The following SEC24A variants were observed in gnomAD, a reference collection of about 807,000 sequenced individuals.
The protein encoded by SEC24A is SEC24 homolog A, COPII component.
SEC24A carries 93 observed loss-of-function variants against 129.4 expected under a neutral mutation model. The observed-to-expected ratio is 0.72, with a 90% CI of 0.61 to 0.85. The LOEUF is 0.85. Ranked by LOEUF, SEC24A falls within the 40% of genes least tolerant of loss-of-function variation. The pLI is 0.00. For synonymous variants in SEC24A, 460 were observed against 467.3 expected (o/e 0.98, Z 0.20); for missense variants, 1,264 against 1,307.4 (o/e 0.97, Z 0.51).
intron 11 of SEC24A, among the ~76,000 whole-genome samples, chr5:134,690,471 G>A (rs755285528): frequency 6.6e-6 from 1 of 152,052 alleles, no homozygotes; most frequent in East Asian, 1.9e-4. Flanking sequence ...ACGCTACCAC[G>A]CCCAGCTAAT....
Position 134,671,856 on chromosome 5 carries a change from TACG to T in SEC24A, c.792_794del (p.Asp264del), listed in dbSNP as rs1320748427. On this transcript the variant is annotated inframe_deletion, in exon 4 of 23. Transcript: ENST00000398844. ...CGGATCTATGGTGGTCCACAGTAGT[TACG>T]ACGAGATTGAAGGAGGTGGCTTATT... 2 of 1,609,846 alleles carry T rather than the reference TACG, an allele frequency of 1.2e-6. No homozygotes were observed. The highest frequency in any genetic ancestry group is 1.3e-5 in the African/African-American group (1 of 74,866).
At position 134,703,753 on chromosome 5, in the gene SEC24A, T is replaced by C. The variant is rs562225151; in HGVS notation, c.2267-6T>C. Reference sequence around the variant, plus strand: ...AAAATAATTTTGTTACCTTTTTCTCTTCTAGGTCTTTCCATTCATACTTTC... The same window carrying C: ...AAAATAATTTTGTTACCTTTTTCTCCTCTAGGTCTTTCCATTCATACTTTC... On this transcript the variant is annotated splice_region_variant and splice_polypyrimidine_tract_variant and intron_variant, in intron 15 of 22. Coordinates refer to ENST00000398844, the MANE Select transcript of SEC24A (RefSeq NM_021982.3). 19 of 1,595,706 alleles carry C rather than the reference T, an allele frequency of 1.2e-5. No individual in the cohort carries two copies. In the South Asian group the frequency reaches 1.9e-4, roughly 16 times the overall value.
At chr5:134,649,831 T>A (rs1178508337) in intron 1 of SEC24A, among the ~76,000 whole-genome samples, 2 of 152,224 alleles carry the variant, frequency 1.3e-5, no homozygotes, top group Non-Finnish European at 2.9e-5. Context: ...TAGTTTGTCA[T>A]TTGATGTGAG....
At chr5:134,680,496 C>T (rs1751228946) in intron 8 of SEC24A, among the ~76,000 whole-genome samples, 1 of 151,796 alleles carries the variant, frequency 6.6e-6, no homozygotes, top group Non-Finnish European at 1.5e-5. Context: ...CCACGGCCGG[C>T]TAATTTTTAT....
intron 11 of SEC24A, among the ~76,000 whole-genome samples, chr5:134,692,179 T>C (rs1751680019): frequency 6.6e-6 from 1 of 151,248 alleles, no homozygotes; most frequent in South Asian, 2.1e-4. Flanking sequence ...CCCACATAGC[T>C]GGGACTATAG....
chr5:134,690,200 A>G (rs1023515460), intron 11 of SEC24A, among the ~76,000 whole-genome samples: 4 of 151,650 alleles, frequency 2.6e-5, no homozygotes, highest in African/African-American at 7.3e-5. Flanking sequence ...TTGTATTTTT[A>G]GTAGAAACAA....
At chr5:134,707,335 AT>A (rs765591468) in intron 17 of SEC24A, among the ~76,000 whole-genome samples, 165 of 144,930 alleles carry the variant, frequency 1.1e-3, no homozygotes, top group Non-Finnish European at 1.1e-3. Flanking sequence ...TTATTTATTT[AT>A]TTTTTTTTTT....
rs548841481 is a variant in SEC24A, at chr5:134,660,419, A to G, written c.98-700A>G. Among the ~76,000 whole-genome samples the G allele has an allele frequency of 2.6e-5, 4 of 152,132 alleles. No individual in the cohort carries two copies. The East Asian group carries it at 7.7e-4, about 29-fold the overall frequency. On this transcript the variant is annotated intron_variant, in intron 1 of 22. Coordinates refer to ENST00000398844, the MANE Select transcript of SEC24A (RefSeq NM_021982.3). ...AATAAAATTGTAATACAAATATGAA[A>G]CTAGGCCAGGACATCTTGTGGCAAC...
At chr5:134,650,705 T>C (rs1309570322) in intron 1 of SEC24A, among the ~76,000 whole-genome samples, 3 of 152,032 alleles carry the variant, frequency 2.0e-5, no homozygotes. Flanking sequence ...TACCCAGACC[T>C]CTTTTTTAAA....
At chr5:134,666,102 A>G (rs1750650016) in intron 2 of SEC24A, among the ~76,000 whole-genome samples, 1 of 152,136 alleles carries the variant, frequency 6.6e-6, no homozygotes, top group African/African-American at 2.4e-5. Context: ...CCTGGGCAAC[A>G]AAATGAGACC....
At chr5:134,677,564 G>A (rs1185000904) in intron 7 of SEC24A, among the ~76,000 whole-genome samples, 1 of 150,572 alleles carries the variant, frequency 6.6e-6, no homozygotes, top group Non-Finnish European at 1.5e-5. Context: ...AAGGCCAGGT[G>A]CAGTGGCTCA....
At chr5:134,661,644 A>T in intron 2 of SEC24A, 58 bp downstream of exon 2, 1 of 1,254,528 alleles carries the variant, frequency 8.0e-7, no homozygotes, top group Non-Finnish European at 1.1e-6. Context: ...GCTTATTTAG[A>T]TGTTTGAAAT....
In SEC24A at chr5:134,648,849, C is replaced by T. The variant is rs899672991; in HGVS notation, c.-228C>T. The T allele has an allele frequency of 5.7e-5, 22 of 388,454 alleles. No homozygotes were observed. In the East Asian group the frequency reaches 8.8e-4, roughly 16 times the overall value. The allele number at this position is 388,454 out of a possible 1,614,324, so 24.1% of individuals were successfully genotyped here. ...CTGCCGCCTTCTAGCCGGGCGTTCG[C>T]GGCCCCGCCGGCCCGACTCTCAAGC... On this transcript the variant is annotated 5_prime_UTR_variant, in exon 1 of 23. Transcript: ENST00000398844.
intron 3 of SEC24A, among the ~76,000 whole-genome samples, chr5:134,668,624 G>C: frequency 6.6e-6 from 1 of 152,172 alleles, no homozygotes; most frequent in African/African-American, 2.4e-5. Flanking sequence ...TACTCAGGAG[G>C]CTGAGGCAGG....
rs539330796 is a variant in SEC24A, at chr5:134,657,225, A to T, written c.98-3894A>T. ...ACACACACACACACAACCAAAACTT[A>T]TATTTTGTAGAGATAGGGACTTGCT... On this transcript the variant is annotated intron_variant, in intron 1 of 22. Transcript: ENST00000398844. Among the ~76,000 whole-genome samples the T allele has an allele frequency of 8.6e-4, 128 of 148,776 alleles. 1 individual carries two copies. The highest frequency in any genetic ancestry group is 1.2e-3 in the Non-Finnish European group (83 of 67,626).
At chr5:134,702,926 G>T (rs137985941) in intron 15 of SEC24A, among the ~76,000 whole-genome samples, 1 of 151,676 alleles carries the variant, frequency 6.6e-6, no homozygotes, top group African/African-American at 2.4e-5. Context: ...CACCATGCCC[G>T]GCTAATTTTT....
intron 16 of SEC24A, among the ~76,000 whole-genome samples, chr5:134,704,925 C>T (rs1050697652): frequency 6.6e-6 from 1 of 151,432 alleles, no homozygotes; most frequent in Non-Finnish European, 1.5e-5. Context: ...AATCCTCCCA[C>T]CTTAGCCTCC....
Position 134,679,690 on chromosome 5 carries a change from G to A in SEC24A, c.1343G>A (p.Arg448Lys). Residue 448 changes from arginine to lysine, a missense_variant, in exon 8 of 23, where the codon AGG (arginine) becomes AAG (lysine). Arg to Lys is a conservative substitution (Grantham distance 26, BLOSUM62 2). Coordinates refer to ENST00000398844, the MANE Select transcript of SEC24A (RefSeq NM_021982.3). ...INPFVSFLDQ[R>K]RWKCNLCYRV... ...CCTTTCGTCAGCTTTCTTGATCAAA[G>A]GAGATGGAAGTGTAACTTATGTTAT... The A allele has an allele frequency of 6.3e-7, 1 of 1,598,236 alleles. No homozygotes were observed. Among genetic ancestry groups the A allele is most frequent in the Non-Finnish European group, 8.5e-7 (1 of 1,169,628 alleles).
intron 18 of SEC24A, 52 bp downstream of exon 18, chr5:134,708,940 C>T: frequency 6.5e-7 from 1 of 1,542,832 alleles, no homozygotes; most frequent in Non-Finnish European, 8.8e-7. Context: ...GCACTGTGGC[C>T]TACACCTGCA....
Sources: allele counts gnomAD v4.1 joint callset (sites outside exome capture counted in the v4.1 genomes callset), GRCh38; gene constraint gnomAD v4.1.1; transcripts MANE v1.5; gene names NCBI Gene and HGNC (gene_info 2026-07-23, HGNC 2026-07-21).